CHRM3: variants seen among roughly 807,000 people sequenced by gnomAD.
CHRM3 encodes the protein cholinergic receptor muscarinic 3, also known as muscarinic acetylcholine receptor M3.
Under a neutral mutation model 41.8 loss-of-function variants are expected in CHRM3, and 11 were observed. That is an observed-to-expected ratio of 0.26 (90% CI 0.17 to 0.44). CHRM3 has a LOEUF of 0.44. CHRM3 is among the 20% of genes least tolerant of loss of function. The pLI is 1.00. For synonymous variants in CHRM3, 297 were observed against 301.4 expected (o/e 0.99, Z 0.15); for missense variants, 571 against 745.4 (o/e 0.77, Z 2.72).
chr1:239,389,578 G>T (rs1658840947), intron 1 of CHRM3, among the ~76,000 whole-genome samples: 1 of 152,180 alleles, frequency 6.6e-6, no homozygotes, highest in Non-Finnish European at 1.5e-5. Flanking sequence ...GCAACCTGTT[G>T]AAAGAGGGCA....
chr1:239,741,210 T>A (rs1232676993), intron 5 of CHRM3, among the ~76,000 whole-genome samples: 1 of 152,176 alleles, frequency 6.6e-6, no homozygotes, highest in African/African-American at 2.4e-5. Flanking sequence ...TAGATATTTT[T>A]ATGTTTTGAT....
intron 4 of CHRM3, among the ~76,000 whole-genome samples, chr1:239,662,901 C>CTTCTTCTTT (rs2149020308): frequency 7.1e-6 from 1 of 140,708 alleles, no homozygotes; most frequent in African/African-American, 2.6e-5. Flanking sequence ...TCCTCTTCTT[C>CTTCTTCTTT]TTCTTCTTCT....
Position 239,580,301 on chromosome 1 carries a change from C to CACAT in CHRM3, c.-313+34555_-313+34556insTACA, listed in dbSNP as rs1553332565. Among the ~76,000 whole-genome samples the CACAT allele has an allele frequency of 4.6e-3, 637 of 139,196 alleles. 14 individuals are homozygous for CACAT. Among genetic ancestry groups the CACAT allele is most frequent in the African/African-American group, 0.011 (409 of 36,402 alleles). The allele number at this position is 139,196 out of a possible 152,430, so 91.3% of individuals were successfully genotyped here. A position where few individuals can be genotyped will look rare whatever the true frequency, so the allele number is the denominator to read the frequency against. On this transcript the variant is annotated intron_variant, in intron 3 of 6. Transcript: ENST00000676153. The stretch of plus-strand genomic sequence containing the variant: ...ACACACACACACACACACACACACA[C>CACAT]ACACACATCAAAAATTGACCATATT...
At chr1:239,801,896 G>A (rs189809637) in intron 5 of CHRM3, among the ~76,000 whole-genome samples, 3 of 152,230 alleles carry the variant, frequency 2.0e-5, no homozygotes, top group African/African-American at 7.2e-5. Context: ...TGTTTGTGAT[G>A]CCAGATATGC....
At chr1:239,711,482 G>A (rs528852965) in intron 5 of CHRM3, among the ~76,000 whole-genome samples, 109 of 151,462 alleles carry the variant, frequency 7.2e-4, no homozygotes, top group Non-Finnish European at 1.0e-3. Context: ...AATAATATAC[G>A]ATATTAATAT....
chr1:239,800,384 T>G (rs1175036274), intron 5 of CHRM3, among the ~76,000 whole-genome samples: 2 of 152,176 alleles, frequency 1.3e-5, no homozygotes, highest in African/African-American at 4.8e-5. Context: ...TTCCTCACAT[T>G]AAATAGCACA....
intron 5 of CHRM3, chr1:239,719,551 C>T (rs754865354): frequency 3.3e-5 from 5 of 151,826 alleles, no homozygotes; most frequent in African/African-American, 9.7e-5. Context: ...GATTTTAGTA[C>T]GGTATTGTTG....
At position 239,572,158 on chromosome 1, in the gene CHRM3, G is replaced by T. The variant is rs1316641919; in HGVS notation, c.-313+26409G>T. The stretch of plus-strand genomic sequence containing the variant: ...AAGCTTGTGCAAGTTAAAATCTAGG[G>T]CTTCCATATATGCAGGGGAATCCAG... On this transcript the variant is annotated intron_variant, in intron 3 of 6. Transcript: ENST00000676153. 2.6e-5 allele frequency among the ~76,000 whole-genome samples: 4 copies of T among 152,100 alleles called. No homozygotes were observed. The East Asian group carries it at 7.7e-4, about 29-fold the overall frequency.
At chr1:239,905,337 C>T (rs1679888791) in intron 6 of CHRM3, among the ~76,000 whole-genome samples, 1 of 152,158 alleles carries the variant, frequency 6.6e-6, no homozygotes, top group African/African-American at 2.4e-5. Context: ...CAGACATCAC[C>T]TTGTTAGCTA....
intron 2 of CHRM3, among the ~76,000 whole-genome samples, chr1:239,534,941 G>T (rs1558298432): frequency 6.6e-6 from 1 of 152,186 alleles, no homozygotes; most frequent in Non-Finnish European, 1.5e-5. Flanking sequence ...TTTTTTATAA[G>T]ACTGCTAATC....
At chr1:239,575,803 A>G (rs1572760961) in intron 3 of CHRM3, among the ~76,000 whole-genome samples, 1 of 152,046 alleles carries the variant, frequency 6.6e-6, no homozygotes, top group Non-Finnish European at 1.5e-5. Context: ...TGGTAAAAAA[A>G]AAACACGTAA....
intron 1 of CHRM3, among the ~76,000 whole-genome samples, chr1:239,489,210 G>A (rs1017340423): frequency 2.6e-5 from 4 of 152,114 alleles, no homozygotes; most frequent in South Asian, 2.1e-4. Context: ...TTAGGAGTTC[G>A]AAACCAGCCT....
chr1:239,829,152 G>A (rs761190647), intron 6 of CHRM3, among the ~76,000 whole-genome samples: 4 of 152,192 alleles, frequency 2.6e-5, no homozygotes, highest in Admixed American at 6.5e-5. Flanking sequence ...TCTCTGTGGC[G>A]AAGTGGATTG....
chr1:239,694,990 G>T (rs929897527), intron 5 of CHRM3, among the ~76,000 whole-genome samples: 3 of 147,950 alleles, frequency 2.0e-5, no homozygotes, highest in Non-Finnish European at 3.0e-5. Context: ...ACTGATTATT[G>T]AAATGTTTTA....
intron 3 of CHRM3, among the ~76,000 whole-genome samples, chr1:239,606,832 A>G (rs955409616): frequency 5.9e-5 from 9 of 152,180 alleles, no homozygotes; most frequent in Admixed American, 5.9e-4. Flanking sequence ...AAACTTCTAA[A>G]TGGTCTCTTC....
chr1:239,742,910 A>G (rs753025599), intron 5 of CHRM3, among the ~76,000 whole-genome samples: 3 of 152,198 alleles, frequency 2.0e-5, no homozygotes, highest in Non-Finnish European at 4.4e-5. Flanking sequence ...ACTTACTGAC[A>G]TCTGTCGCCA....
intron 5 of CHRM3, among the ~76,000 whole-genome samples, chr1:239,697,115 C>T (rs1179545285): frequency 6.6e-6 from 1 of 152,122 alleles, no homozygotes; most frequent in African/African-American, 2.4e-5. Flanking sequence ...CAAGTAATAT[C>T]AATATGGCAA....
chr1:239,458,825 A>T (rs1665147879), intron 1 of CHRM3, among the ~76,000 whole-genome samples: 1 of 152,194 alleles, frequency 6.6e-6, no homozygotes, highest in Non-Finnish European at 1.5e-5. Flanking sequence ...TCCAGACTCA[A>T]AACTCTGAAA....
chr1:239,684,431 C>T (rs566339349), intron 5 of CHRM3, among the ~76,000 whole-genome samples: 13 of 152,048 alleles, frequency 8.5e-5, no homozygotes, highest in South Asian at 8.3e-4. Context: ...CAGTGGCTCA[C>T]GCCTGTAATC....
Sources: allele counts gnomAD v4.1 joint callset (sites outside exome capture counted in the v4.1 genomes callset), GRCh38; gene constraint gnomAD v4.1.1; transcripts MANE v1.5; gene names NCBI Gene and HGNC (gene_info 2026-07-23, HGNC 2026-07-21).